The following ZDHHC13 variants were observed in gnomAD, a reference collection of about 807,000 sequenced individuals.
ZDHHC13 encodes zDHHC palmitoyltransferase 13, also known as palmitoyltransferase ZDHHC13.
Under a neutral mutation model 86.0 loss-of-function variants are expected in ZDHHC13, and 85 were observed. That is an observed-to-expected ratio of 0.99 (90% CI 0.83 to 1.18). The LOEUF (loss-of-function observed/expected upper bound fraction) is 1.18, where lower values mean the gene tolerates loss of function less well. Among genes scored for constraint, ZDHHC13 ranks in the 50% most tolerant of loss-of-function variants. The pLI, the probability that ZDHHC13 is intolerant of heterozygous loss-of-function variation, is 0.00. For missense variants in ZDHHC13, 711 were observed against 730.2 expected, an observed-to-expected ratio of 0.97 and a Z score of 0.30; for synonymous variants, 263 against 246.4, an observed-to-expected ratio of 1.07 and a Z score of -0.63.
intron 1 of ZDHHC13, among the ~76,000 whole-genome samples, chr11:19,136,528 A>G (rs1183213798): frequency 2.6e-5 from 4 of 152,246 alleles, no homozygotes; most frequent in Non-Finnish European, 4.4e-5. Flanking sequence ...AACTTCCCCA[A>G]TGTAGCAAGG....
At chr11:19,167,241 A>C (rs559154821) in intron 14 of ZDHHC13, 2 of 152,306 alleles carry the variant, frequency 1.3e-5, no homozygotes, top group South Asian at 4.1e-4. Flanking sequence ...ATTCTTGGTC[A>C]AATCTTAGAC....
chr11:19,138,596 C>T (rs1245318741), intron 1 of ZDHHC13, among the ~76,000 whole-genome samples: 1 of 151,708 alleles, frequency 6.6e-6, no homozygotes, highest in African/African-American at 2.4e-5. Context: ...CAAAGCCGGG[C>T]AGAGACACAA....
At chr11:19,132,388 G>A (rs2133375351) in intron 1 of ZDHHC13, among the ~76,000 whole-genome samples, 1 of 152,322 alleles carries the variant, frequency 6.6e-6, no homozygotes, top group Middle Eastern at 3.4e-3. Flanking sequence ...TCATCAAAGA[G>A]TCTCCGCTTT....
chr11:19,136,039 G>A (rs1287232854), intron 1 of ZDHHC13, among the ~76,000 whole-genome samples: 2 of 152,240 alleles, frequency 1.3e-5, no homozygotes, highest in Admixed American at 1.3e-4. Context: ...AAGGAACGCA[G>A]TTCCTCACCA....
chr11:19,131,343 C>G (rs578001628), intron 1 of ZDHHC13, among the ~76,000 whole-genome samples: 31 of 152,214 alleles, frequency 2.0e-4, no homozygotes, highest in Non-Finnish European at 3.8e-4. Context: ...TATGATATGT[C>G]TTGGTGTAGG....
intron 1 of ZDHHC13, among the ~76,000 whole-genome samples, chr11:19,125,578 A>G (rs534622012): frequency 1.3e-5 from 2 of 152,238 alleles, no homozygotes; most frequent in African/African-American, 4.8e-5. Flanking sequence ...TATACCTAAC[A>G]TATGGCCAAG....
At chr11:19,133,695 T>C (rs1008159476) in intron 1 of ZDHHC13, among the ~76,000 whole-genome samples, 1 of 151,806 alleles carries the variant, frequency 6.6e-6, no homozygotes, top group Non-Finnish European at 1.5e-5. Context: ...AAAGCTGAAC[T>C]GTACTTTTTA....
rs1008315204 is a variant in ZDHHC13, at chr11:19,129,781, T to C, written c.27+12505T>C. ...TAATGTCTTTGTTGGTTTTGGTATG[T>C]AGTGATTCTGCCTCATAAAATGAGC... On this transcript the variant is annotated intron_variant, in intron 1 of 16. Coordinates refer to ENST00000446113, the MANE Select transcript of ZDHHC13 (RefSeq NM_019028.3). 3.0e-4 allele frequency among the ~76,000 whole-genome samples: 45 copies of C among 152,150 alleles called. 1 individual carries two copies. Among genetic ancestry groups the C allele is most frequent in the Non-Finnish European group, 2.9e-5 (2 of 68,028 alleles).
intron 14 of ZDHHC13, chr11:19,167,827 T>TAA (rs1195568244): frequency 3.9e-5 from 6 of 152,246 alleles, no homozygotes; most frequent in Non-Finnish European, 7.3e-5. Context: ...ATTAATGTAT[T>TAA]TTTTGAGACA....
intron 1 of ZDHHC13, chr11:19,118,651 T>C (rs1590055341): frequency 6.6e-6 from 1 of 152,208 alleles, no homozygotes. Context: ...AATGATTTGG[T>C]GGTTGAATTT....
At chr11:19,127,512 G>A (rs1413187628) in intron 1 of ZDHHC13, among the ~76,000 whole-genome samples, 1 of 152,128 alleles carries the variant, frequency 6.6e-6, no homozygotes. Context: ...TCTTTGTTAT[G>A]AAATCTTTGC....
At chr11:19,175,059 A>T (rs1458219848) in intron 16 of ZDHHC13, among the ~76,000 whole-genome samples, 1 of 152,070 alleles carries the variant, frequency 6.6e-6, no homozygotes, top group Non-Finnish European at 1.5e-5. Context: ...AATTAAAAGG[A>T]ATTGAGACAG....
At chr11:19,130,634 G>A (rs1848976060) in intron 1 of ZDHHC13, among the ~76,000 whole-genome samples, 2 of 152,084 alleles carry the variant, frequency 1.3e-5, no homozygotes, top group Non-Finnish European at 2.9e-5. Flanking sequence ...TAACGTGAAA[G>A]CTTAGATAAC....
chr11:19,175,912 C>T lies in ZDHHC13; in HGVS notation c.1821C>T (p.Tyr607=), dbSNP rs778621871. 1 of 1,613,048 alleles carries T rather than the reference C, an allele frequency of 6.2e-7. No homozygotes were observed. The highest frequency in any genetic ancestry group is 8.5e-7 in the Non-Finnish European group (1 of 1,179,554). ...KPCVVDWTSQ[Y]TMVFHPAREK... Reference sequence around the variant, plus strand: ...GTGTGGTAGATTGGACATCACAGTACACCATGGTCTTTCACCCAGCCAGGG... The same window carrying T: ...GTGTGGTAGATTGGACATCACAGTATACCATGGTCTTTCACCCAGCCAGGG... Residue 607 remains tyrosine (Y), a synonymous_variant, in exon 17 of 17, where the codon TAC becomes TAT. Coordinates refer to ENST00000446113, the MANE Select transcript of ZDHHC13 (RefSeq NM_019028.3).
At chr11:19,171,319 G>T (rs1315429764) in intron 15 of ZDHHC13, among the ~76,000 whole-genome samples, 1 of 152,094 alleles carries the variant, frequency 6.6e-6, no homozygotes, top group Non-Finnish European at 1.5e-5. Flanking sequence ...TGGGCAGCAG[G>T]TGGTCATCAG....
Position 19,155,948 on chromosome 11 carries a change from G to A in ZDHHC13, c.1007+19G>A, listed in dbSNP as rs184280863. On this transcript the variant is annotated intron_variant, in intron 9 of 16. Coordinates refer to ENST00000446113, the MANE Select transcript of ZDHHC13 (RefSeq NM_019028.3). ...TTCCAAGGTGTGTATGTTAATTTTT[G>A]CAAGGCTGGTTATTGTGTTTCTGAT... The A allele has an allele frequency of 9.4e-4, 1,496 of 1,586,296 alleles. 15 individuals carry two copies. In the African/African-American group the frequency reaches 0.018, roughly 19 times the overall value.
intron 1 of ZDHHC13, among the ~76,000 whole-genome samples, chr11:19,135,150 A>G (rs1359078278): frequency 1.3e-5 from 2 of 152,234 alleles, no homozygotes; most frequent in African/African-American, 4.8e-5. Flanking sequence ...CTGCATCTCC[A>G]TCTGAGGTAC....
At chr11:19,147,299 G>A (rs565777978) in intron 3 of ZDHHC13, among the ~76,000 whole-genome samples, 2 of 152,222 alleles carry the variant, frequency 1.3e-5, no homozygotes, top group African/African-American at 4.8e-5. Flanking sequence ...AATTTCAAGA[G>A]TGCTGCGGTA....
intron 14 of ZDHHC13, 42 bp downstream of exon 14, chr11:19,166,427 C>T: frequency 6.8e-7 from 1 of 1,477,574 alleles, no homozygotes; most frequent in Non-Finnish European, 9.3e-7. Flanking sequence ...TACATCTACA[C>T]CCATTTCTAC....
Sources: allele counts gnomAD v4.1 joint callset (sites outside exome capture counted in the v4.1 genomes callset), GRCh38; gene constraint gnomAD v4.1.1; transcripts MANE v1.5; gene names NCBI Gene and HGNC (gene_info 2026-07-23, HGNC 2026-07-21).